The following SMAP2 variants were observed in gnomAD, a reference collection of about 807,000 sequenced individuals.
SMAP2 encodes small ArfGAP2.
SMAP2 carries 25 observed loss-of-function variants against 56.4 expected under a neutral mutation model. The observed-to-expected ratio is 0.44, with a 90% CI of 0.32 to 0.62. The LOEUF is 0.62. SMAP2 is among the 20% of genes least tolerant of loss of function. SMAP2 has a pLI of 0.04. For synonymous variants in SMAP2, 157 were observed against 181.7 expected, an observed-to-expected ratio of 0.86 and a Z score of 1.09; for missense variants, 388 against 545.6, an observed-to-expected ratio of 0.71 and a Z score of 2.88.
chr1:40,407,180 T>C (rs945770973), intron 2 of SMAP2, among the ~76,000 whole-genome samples: 6 of 152,198 alleles, frequency 3.9e-5, no homozygotes, highest in Non-Finnish European at 7.3e-5. Context: ...GTCTAAAATT[T>C]ATAGTTTCAA....
chr1:40,379,883 C>T (rs1644580595), intron 1 of SMAP2, among the ~76,000 whole-genome samples: 1 of 152,106 alleles, frequency 6.6e-6, no homozygotes, highest in South Asian at 2.1e-4. Context: ...CCCATAGACA[C>T]ATATAAGCCT....
Position 40,392,854 on chromosome 1 carries a change from C to T in SMAP2, c.104-13882C>T, listed in dbSNP as rs1039294811. On this transcript the variant is annotated intron_variant, in intron 1 of 9. Coordinates refer to ENST00000372718, the MANE Select transcript of SMAP2 (RefSeq NM_022733.3). ...GTGGCTCATGCCTGTAATCGCAGCA[C>T]GTTGGGAGGCCGAGGCAGGTGCATC... 4.6e-5 allele frequency among the ~76,000 whole-genome samples: 7 copies of T among 152,054 alleles called. No homozygotes were observed. In the East Asian group the frequency reaches 9.6e-4, roughly 21 times the overall value.
intron 1 of SMAP2, among the ~76,000 whole-genome samples, chr1:40,355,781 T>A (rs372950238): frequency 6.6e-6 from 1 of 152,086 alleles, no homozygotes; most frequent in Non-Finnish European, 1.5e-5. Flanking sequence ...TGCTAATTTT[T>A]AAATTTTTTG....
chr1:40,354,999 G>A (rs1644429195), intron 1 of SMAP2, among the ~76,000 whole-genome samples: 1 of 151,446 alleles, frequency 6.6e-6, no homozygotes, highest in African/African-American at 2.4e-5. Flanking sequence ...TGTCAGGCTG[G>A]TCTCAAACTC....
chr1:40,392,774 A>G (rs1389668981), intron 1 of SMAP2, among the ~76,000 whole-genome samples: 1 of 152,142 alleles, frequency 6.6e-6, no homozygotes, highest in Non-Finnish European at 1.5e-5. Context: ...AAATCCACAT[A>G]AGCAAAATAG....
At chr1:40,411,524 A>G (rs1644935963) in intron 4 of SMAP2, among the ~76,000 whole-genome samples, 1 of 152,234 alleles carries the variant, frequency 6.6e-6, no homozygotes, top group Admixed American at 6.5e-5. Context: ...TACCCATGAA[A>G]GCAAGCCCGG....
intron 9 of SMAP2, among the ~76,000 whole-genome samples, chr1:40,418,308 G>C (rs927461558): frequency 6.6e-6 from 1 of 152,008 alleles, no homozygotes; most frequent in Non-Finnish European, 1.5e-5. Context: ...AAATATATTC[G>C]GCATTGAGGA....
chr1:40,345,824 GTTTCTGGAGTTTC>G (rs1184162717), intron 1 of SMAP2, among the ~76,000 whole-genome samples: 3 of 139,422 alleles, frequency 2.2e-5, no homozygotes, highest in Non-Finnish European at 4.7e-5. Flanking sequence ...TTATGCTGGA[GTTTCTGGAGTTTC>G]TTTCTTTTCT....
upstream of SMAP2, among the ~76,000 whole-genome samples, chr1:40,373,059 C>A (rs2124196372): frequency 6.6e-6 from 1 of 152,240 alleles, no homozygotes; most frequent in African/African-American, 2.4e-5. Context: ...CCCCACCCTT[C>A]CCAAATAACG....
In SMAP2 at chr1:40,374,072, TG is replaced by T; in HGVS notation, c.-44del. On this transcript the variant is annotated 5_prime_UTR_variant, in exon 1 of 10. Transcript: ENST00000372718. The surrounding 1 kb of genome is among the most constrained non-coding windows in gnomAD (Gnocchi z 5.9). ...AACCCCGGACTGAGGCAGGGGTCTC[TG>T]GGGGCGAGGAGGGCGCGTCGCCCTC... 6.8e-7 allele frequency: 1 copy of T among 1,464,528 alleles called. No homozygotes were observed. Among genetic ancestry groups the T allele is most frequent in the Non-Finnish European group, 9.5e-7 (1 of 1,057,704 alleles). 90.7% of individuals were successfully genotyped at this position (1,464,528 alleles called of 1,614,324 possible). A position where few individuals can be genotyped will look rare whatever the true frequency, so the allele number is the denominator to read the frequency against.
intron 1 of SMAP2, among the ~76,000 whole-genome samples, chr1:40,404,519 G>C (rs1313314342): frequency 6.6e-6 from 1 of 152,166 alleles, no homozygotes; most frequent in Admixed American, 6.5e-5. Context: ...AGATGATTGG[G>C]AATTGCCTTT....
Position 40,408,843 on chromosome 1 carries a change from A to G in SMAP2, c.323+105A>G. The G allele has an allele frequency of 2.4e-6, 2 of 850,002 alleles. No individual in the cohort carries two copies. The highest frequency in any genetic ancestry group is 3.9e-6 in the Non-Finnish European group (2 of 511,988). 52.7% of individuals were successfully genotyped at this position (850,002 alleles called of 1,614,324 possible). On this transcript the variant is annotated intron_variant, in intron 3 of 9. Transcript: ENST00000372718. The surrounding 1 kb of genome is among the most constrained non-coding windows in gnomAD (Gnocchi z 4.3). ...ATGTGACTGGGTCATCTCTATGTGG[A>G]TTAGTCAGTGTCCTTGCTTGTCCTC...
At chr1:40,379,819 A>C (rs1322330457) in intron 1 of SMAP2, among the ~76,000 whole-genome samples, 1 of 152,162 alleles carries the variant, frequency 6.6e-6, no homozygotes, top group African/African-American at 2.4e-5. Flanking sequence ...GGCATGAGCC[A>C]CCATGCCCAG....
chr1:40,408,577 A>G lies in SMAP2; in HGVS notation c.238-76A>G. ...TAGGTTGGTTCTTCAATTGTACAGT[A>G]GTGGAATTGGGTGAGAAGTTTTTCA... On this transcript the variant is annotated intron_variant, in intron 2 of 9. Transcript: ENST00000372718. This position sits in a 1 kb window ranked among gnomAD's most constrained non-coding sequence, Gnocchi z 4.3. 2.5e-6 allele frequency: 3 copies of G among 1,222,422 alleles called. No homozygotes were observed. The highest frequency in any genetic ancestry group is 3.6e-6 in the Non-Finnish European group (3 of 829,176). 75.7% of individuals were successfully genotyped at this position (1,222,422 alleles called of 1,614,324 possible). A position where few individuals can be genotyped will look rare whatever the true frequency, so the allele number is the denominator to read the frequency against.
At chr1:40,414,528 C>T (rs190934442) in intron 6 of SMAP2, among the ~76,000 whole-genome samples, 86 of 152,302 alleles carry the variant, frequency 5.6e-4, no homozygotes, top group African/African-American at 1.9e-3. Context: ...TTTACTTAAC[C>T]TCTGAATGTT....
intron 9 of SMAP2, among the ~76,000 whole-genome samples, chr1:40,421,207 A>G (rs923508600): frequency 1.3e-5 from 2 of 152,170 alleles, no homozygotes; most frequent in Non-Finnish European, 2.9e-5. Flanking sequence ...TTTGAAATTT[A>G]CTTTAAAAGT....
At chr1:40,354,671 A>T (rs541437966) in intron 1 of SMAP2, among the ~76,000 whole-genome samples, 14 of 151,824 alleles carry the variant, frequency 9.2e-5, no homozygotes, top group African/African-American at 2.7e-4. Context: ...AATTTTTTTT[A>T]AATGAGAATT....
At chr1:40,363,022 T>A (rs1644466074) in intron 2 of SMAP2, among the ~76,000 whole-genome samples, 1 of 152,086 alleles carries the variant, frequency 6.6e-6, no homozygotes, top group South Asian at 2.1e-4. Flanking sequence ...GAATTAATCA[T>A]AGGTTCATAG....
chr1:40,374,259 C>G lies in SMAP2; in HGVS notation c.103+36C>G. ...CCACCTGGCGGGCCAGGGGTCCAGCCGCGCCGGGGTGGTGGGGGTGGGCTG... is the reference window on the plus strand; with the variant it reads ...CCACCTGGCGGGCCAGGGGTCCAGCGGCGCCGGGGTGGTGGGGGTGGGCTG... On this transcript the variant is annotated intron_variant, in intron 1 of 9. Coordinates refer to ENST00000372718, the MANE Select transcript of SMAP2 (RefSeq NM_022733.3). The surrounding 1 kb of genome is among the most constrained non-coding windows in gnomAD (Gnocchi z 5.9). 4 of 1,561,668 alleles carry G rather than the reference C, an allele frequency of 2.6e-6. No individual in the cohort carries two copies. The highest frequency in any genetic ancestry group is 2.6e-6 in the Non-Finnish European group (3 of 1,144,366).
Sources: allele counts gnomAD v4.1 joint callset (sites outside exome capture counted in the v4.1 genomes callset), GRCh38; gene constraint gnomAD v4.1.1; non-coding constraint Gnocchi (gnomAD v3.1); transcripts MANE v1.5; gene names NCBI Gene and HGNC (gene_info 2026-07-23, HGNC 2026-07-21).